Variants in RNF220 observed in about 807,000 individuals in gnomAD.
RNF220 encodes ring finger protein 220.
RNF220 carries 7 observed loss-of-function variants against 67.1 expected under a neutral mutation model. The ratio of observed to expected loss-of-function variants is 0.10; its 90% CI spans 0.06 to 0.20. The LOEUF (loss-of-function observed/expected upper bound fraction) is 0.20. Among genes scored for constraint, RNF220 ranks in the 10% least tolerant of loss-of-function variants. RNF220 has a pLI of 1.00. For missense variants in RNF220, 565 were observed against 740.3 expected (o/e 0.76, Z 2.75); for synonymous variants, 270 against 283.2 (o/e 0.95, Z 0.47).
chr1:44,456,296 G>A (rs1357835965), intron 2 of RNF220, among the ~76,000 whole-genome samples: 1 of 152,172 alleles, frequency 6.6e-6, no homozygotes, highest in African/African-American at 2.4e-5. Flanking sequence ...GGAAAAAATG[G>A]TAGCAGGACA....
At chr1:44,505,898 C>A (rs1035319384) in intron 2 of RNF220, among the ~76,000 whole-genome samples, 3 of 152,108 alleles carry the variant, frequency 2.0e-5, no homozygotes, top group East Asian at 1.9e-4. Flanking sequence ...CTCCCCTCCC[C>A]CCATGCCCTG....
chr1:44,484,854 G>A (rs1317841488), intron 2 of RNF220, among the ~76,000 whole-genome samples: 1 of 152,188 alleles, frequency 6.6e-6, no homozygotes, highest in African/African-American at 2.4e-5. Flanking sequence ...GAAAATAGTT[G>A]CTCTGACAGC....
At chr1:44,442,522 T>TC (rs375405076) in intron 2 of RNF220, among the ~76,000 whole-genome samples, 6 of 150,712 alleles carry the variant, frequency 4.0e-5, no homozygotes, top group East Asian at 2.0e-4. Flanking sequence ...CTCTTTTTTT[T>TC]TTTTTTTTTG....
At chr1:44,511,749 G>C (rs946107265) in intron 2 of RNF220, among the ~76,000 whole-genome samples, 33 of 152,172 alleles carry the variant, frequency 2.2e-4, no homozygotes, top group African/African-American at 8.0e-4. Flanking sequence ...AAAGTAAAAG[G>C]GGCCATCAGG....
At chr1:44,526,309 C>T (rs12132722) in intron 2 of RNF220, among the ~76,000 whole-genome samples, 16,139 of 152,188 alleles carry the variant, frequency 0.11, 1,106 homozygotes, top group Non-Finnish European at 0.15. Context: ...AAACCCTTCC[C>T]TCTCTCAAAA....
rs1318674514 is a variant in RNF220 at position 44,651,172 on chromosome 1, G to A, written c.*397G>A. 1 of 232,734 alleles carries A rather than the reference G, an allele frequency of 4.3e-6. No homozygotes were observed. The highest frequency in any genetic ancestry group is 2.2e-5 in the African/African-American group (1 of 45,600). The allele number at this position is 232,734 out of a possible 1,614,324, so 14.4% of individuals were successfully genotyped here. On this transcript the variant is annotated 3_prime_UTR_variant, in exon 15 of 15. Transcript: ENST00000361799. The stretch of plus-strand genomic sequence containing the variant: ...ATAGACCGTGTATGTTTACAATGTT[G>A]TGTATAAATGGGACAACTCCTCGCC...
Position 44,557,195 on chromosome 1 carries a change from TTA to T in RNF220, c.626-56955_626-56954del, listed in dbSNP as rs201045333. ...TATATATTAATATATAATATATATT[TTA>T]TATATATATATATAAGCTTCTTGAT... On this transcript the variant is annotated intron_variant, in intron 2 of 14. Coordinates refer to ENST00000361799, the MANE Select transcript of RNF220 (RefSeq NM_018150.4). Among the ~76,000 whole-genome samples, 69 of 144,256 alleles carry T rather than the reference TTA, an allele frequency of 4.8e-4. No individual in the cohort carries two copies. The East Asian group carries it at 7.5e-3, about 16-fold the overall frequency. 94.6% of individuals were successfully genotyped at this position (144,256 alleles called of 152,430 possible). A position where few individuals can be genotyped will look rare whatever the true frequency, so the allele number is the denominator to read the frequency against.
chr1:44,551,738 C>T (rs1662656189), intron 2 of RNF220, among the ~76,000 whole-genome samples: 1 of 152,132 alleles, frequency 6.6e-6, no homozygotes, highest in Admixed American at 6.5e-5. Flanking sequence ...TCCCCACCTC[C>T]AATTCACCTT....
At chr1:44,569,625 G>A (rs934929939) in intron 2 of RNF220, among the ~76,000 whole-genome samples, 2 of 152,214 alleles carry the variant, frequency 1.3e-5, no homozygotes, top group Non-Finnish European at 2.9e-5. Context: ...GGATGGGGCT[G>A]TGGGCAAAGC....
chr1:44,614,049 C>T lies in RNF220; in HGVS notation c.626-116C>T, dbSNP rs41269047. On this transcript the variant is annotated intron_variant, in intron 2 of 14. Transcript: ENST00000361799. ...GCTCTGAAACCCTCAGGCCCCTCCT[C>T]TAGGCCAAGAAGCCCTAGAGGGCAG... 1.1e-3 allele frequency: 1,602 copies of T among 1,422,268 alleles called. 5 individuals carry two copies. Among genetic ancestry groups the T allele is most frequent in the Non-Finnish European group, 1.3e-3 (1,366 of 1,039,948 alleles). The allele number at this position is 1,422,268 out of a possible 1,614,324, so 88.1% of individuals were successfully genotyped here.
At chr1:44,471,047 C>T (rs529489827) in intron 2 of RNF220, among the ~76,000 whole-genome samples, 19 of 152,126 alleles carry the variant, frequency 1.2e-4, no homozygotes, top group Admixed American at 8.5e-4. Flanking sequence ...AGCAGTGACC[C>T]GCTGCTGCAC....
chr1:44,520,128 TGAGA>T (rs1553236436), intron 2 of RNF220, among the ~76,000 whole-genome samples: 22 of 113,460 alleles, frequency 1.9e-4, no homozygotes, highest in East Asian at 1.0e-3. Context: ...TGTGTGTGTG[TGAGA>T]GAGAGAGAGA....
chr1:44,421,444 T>C (rs984517226), intron 2 of RNF220, among the ~76,000 whole-genome samples: 6 of 152,126 alleles, frequency 3.9e-5, no homozygotes, highest in African/African-American at 1.4e-4. Flanking sequence ...TTTACCCTCT[T>C]GCCTATGTGA....
intron 2 of RNF220, among the ~76,000 whole-genome samples, chr1:44,543,417 T>C (rs1339478268): frequency 1.3e-5 from 2 of 151,902 alleles, no homozygotes; most frequent in Admixed American, 1.3e-4. Flanking sequence ...AAGTGGCAAA[T>C]AAATAAATAG....
At position 44,439,366 on chromosome 1, in the gene RNF220, T is replaced by A. The variant is rs1557927438; in HGVS notation, c.625+26644T>A. ...TTCTTTTTTGAATTGCTTATCCATGTCCTTTACAGGGTTTCCATCTTTTTC... is the reference window on the plus strand; with the variant it reads ...TTCTTTTTTGAATTGCTTATCCATGACCTTTACAGGGTTTCCATCTTTTTC... On this transcript the variant is annotated intron_variant, in intron 2 of 14. Transcript: ENST00000361799. 2.6e-5 allele frequency among the ~76,000 whole-genome samples: 4 copies of A among 152,252 alleles called. No homozygotes were observed. The South Asian group carries it at 8.3e-4, about 32-fold the overall frequency.
At chr1:44,610,126 C>T (rs1008762629) in intron 2 of RNF220, among the ~76,000 whole-genome samples, 2 of 152,154 alleles carry the variant, frequency 1.3e-5, no homozygotes, top group Admixed American at 6.5e-5. Flanking sequence ...GGACGGGAGG[C>T]GGAATGAGCG....
chr1:44,560,729 T>A (rs1276641812), intron 2 of RNF220, among the ~76,000 whole-genome samples: 1 of 151,924 alleles, frequency 6.6e-6, no homozygotes, highest in Non-Finnish European at 1.5e-5. Flanking sequence ...ACCCAGATAA[T>A]TTTTGTATTT....
chr1:44,631,821 G>A (rs1418342951), intron 5 of RNF220: 2 of 804,162 alleles, frequency 2.5e-6, no homozygotes, highest in Non-Finnish European at 3.0e-6. Context: ...GGGTGGGTAG[G>A]CTTCACGGGC....
intron 2 of RNF220, among the ~76,000 whole-genome samples, chr1:44,418,165 G>C (rs1213963066): frequency 1.3e-5 from 2 of 152,206 alleles, no homozygotes; most frequent in African/African-American, 4.8e-5. Context: ...GGGAGCGCGC[G>C]GGAGGCGCTA....
Sources: allele counts gnomAD v4.1 joint callset (sites outside exome capture counted in the v4.1 genomes callset), GRCh38; gene constraint gnomAD v4.1.1; transcripts MANE v1.5; gene names NCBI Gene and HGNC (gene_info 2026-07-23, HGNC 2026-07-21).